Variants in SORBS2 observed in about 807,000 individuals in gnomAD.
The protein encoded by SORBS2 is sorbin and SH3 domain containing 2.
In SORBS2, 46 loss-of-function variants were observed where a neutral mutation model predicts 97.7. The observed-to-expected ratio is 0.47, with a 90% CI of 0.37 to 0.60. The LOEUF is 0.60. Among genes scored for constraint, SORBS2 ranks in the 20% least tolerant of loss-of-function variants. The pLI is 0.00. For synonymous variants in SORBS2, 476 were observed against 473.4 expected (o/e 1.01, Z -0.07); for missense variants, 1,316 against 1,282.3 (o/e 1.03, Z -0.40).
In SORBS2 at chr4:185,809,255, C is replaced by T. The variant is rs936489714; in HGVS notation, c.-337-33889G>A. Reference sequence around the variant, plus strand: ...AAAGTACTTTAGAATCAGAGGCCAGCAAAGCTCTGGAAGGCTGTGAACAGG... The same window carrying T: ...AAAGTACTTTAGAATCAGAGGCCAGTAAAGCTCTGGAAGGCTGTGAACAGG... On this transcript the variant is annotated intron_variant, in intron 1 of 20. Transcript: ENST00000284776. Among the ~76,000 whole-genome samples, 14 of 150,860 alleles carry T rather than the reference C, an allele frequency of 9.3e-5. No homozygotes were observed. The East Asian group carries it at 2.5e-3, about 27-fold the overall frequency.
At chr4:185,588,667 T>C (rs1037525481) in intron 14 of SORBS2, among the ~76,000 whole-genome samples, 2 of 135,056 alleles carry the variant, frequency 1.5e-5, no homozygotes, top group East Asian at 2.5e-4. Flanking sequence ...CAGGCTGGAG[T>C]GCAGTGGCAT....
chr4:185,736,824 G>A (rs1344382479), intron 2 of SORBS2, among the ~76,000 whole-genome samples: 1 of 152,150 alleles, frequency 6.6e-6, no homozygotes, highest in East Asian at 1.9e-4. Flanking sequence ...GCAGGGACTT[G>A]GAAAATCAGG....
At chr4:185,672,027 CTGATCAACT>C (rs533093022) in intron 4 of SORBS2, among the ~76,000 whole-genome samples, 137 of 152,312 alleles carry the variant, frequency 9.0e-4, no homozygotes, top group African/African-American at 3.2e-3. Flanking sequence ...TGCCAAAGAC[CTGATCAACT>C]AATAGCATTA....
At chr4:185,920,293 G>A (rs1236002186) in intron 1 of SORBS2, among the ~76,000 whole-genome samples, 5 of 152,146 alleles carry the variant, frequency 3.3e-5, no homozygotes, top group Non-Finnish European at 5.9e-5. Context: ...CTCAGTGGAC[G>A]CCAGCAGCAG....
intron 2 of SORBS2, among the ~76,000 whole-genome samples, chr4:185,731,871 T>C (rs1468606014): frequency 1.2e-3 from 19 of 16,294 alleles, no homozygotes; most frequent in Non-Finnish European, 2.1e-3. Context: ...TCTCTCTATA[T>C]ATATATATAT....
chr4:185,705,500 C>T (rs2098330214), intron 2 of SORBS2, among the ~76,000 whole-genome samples: 2 of 151,838 alleles, frequency 1.3e-5, no homozygotes, highest in South Asian at 4.2e-4. Context: ...GAGCCAAGGT[C>T]GCGCCACTGT....
intron 1 of SORBS2, among the ~76,000 whole-genome samples, chr4:185,866,722 T>G (rs1376622627): frequency 6.6e-6 from 1 of 152,236 alleles, no homozygotes; most frequent in Non-Finnish European, 1.5e-5. Context: ...ATCTTGAATA[T>G]TGTCTTGAAA....
intron 1 of SORBS2, among the ~76,000 whole-genome samples, chr4:185,656,108 T>C (rs996182983): frequency 2.4e-4 from 36 of 152,338 alleles, no homozygotes; most frequent in Non-Finnish European, 1.9e-4. Context: ...CAGAAACATG[T>C]AATCATCATA....
At chr4:185,672,601 A>G (rs1408628970) in intron 4 of SORBS2, among the ~76,000 whole-genome samples, 2 of 152,224 alleles carry the variant, frequency 1.3e-5, no homozygotes, top group Non-Finnish European at 2.9e-5. Flanking sequence ...ACTATGAAAA[A>G]TTGTCAAATA....
chr4:185,925,300 T>C lies in SORBS2; in HGVS notation c.-338+30896A>G, dbSNP rs369963052. The stretch of plus-strand genomic sequence containing the variant: ...TGTACATGTACAGCTGGGTTTAAAA[T>C]TGATAAACGCATTGTCTTAGAGTCC... On this transcript the variant is annotated intron_variant, in intron 1 of 20. Coordinates refer to the SORBS2 transcript ENST00000284776. 7.2e-5 allele frequency among the ~76,000 whole-genome samples: 11 copies of C among 152,294 alleles called. No homozygotes were observed. In the East Asian group the frequency reaches 1.7e-3, roughly 24 times the overall value.
chr4:185,906,280 GC>G (rs149280287), intron 1 of SORBS2, among the ~76,000 whole-genome samples: 7,993 of 152,228 alleles, frequency 0.053, 275 homozygotes, highest in East Asian at 0.15. Context: ...TGATCTGCCT[GC>G]CTCATCCTCC....
intron 4 of SORBS2, among the ~76,000 whole-genome samples, chr4:185,662,875 T>C (rs2097541568): frequency 6.6e-6 from 1 of 152,242 alleles, no homozygotes; most frequent in Non-Finnish European, 1.5e-5. Context: ...TGAATCTCTG[T>C]TTGATTTCTT....
intron 2 of SORBS2, among the ~76,000 whole-genome samples, chr4:185,753,147 G>A (rs2098811498): frequency 6.6e-6 from 1 of 152,342 alleles, no homozygotes; most frequent in East Asian, 1.9e-4. Context: ...AGCTGCTGAT[G>A]CATAGTAAAT....
intron 14 of SORBS2, chr4:185,587,949 G>A (rs1002822349): frequency 7.6e-6 from 3 of 395,098 alleles, no homozygotes; most frequent in Non-Finnish European, 1.4e-5. Context: ...AGCCTCCCAA[G>A]CTAAAGGGAA....
chr4:185,851,444 G>A (rs866830824), intron 1 of SORBS2, among the ~76,000 whole-genome samples: 1 of 152,148 alleles, frequency 6.6e-6, no homozygotes. Flanking sequence ...CTATGAGACA[G>A]GAATAAGCAA....
chr4:185,863,726 G>A (rs192697045), intron 1 of SORBS2, among the ~76,000 whole-genome samples: 15 of 152,284 alleles, frequency 9.9e-5, no homozygotes, highest in African/African-American at 3.1e-4. Flanking sequence ...CTAGGTGGAA[G>A]ATGTGTGTCA....
At chr4:185,731,617 T>A (rs1193170863) in intron 2 of SORBS2, among the ~76,000 whole-genome samples, 21 of 109,228 alleles carry the variant, frequency 1.9e-4, no homozygotes, top group African/African-American at 5.7e-4. Flanking sequence ...TCTCTCTCCC[T>A]CCCTGCCTAT....
intron 1 of SORBS2, among the ~76,000 whole-genome samples, chr4:185,794,723 G>A (rs1157419619): frequency 2.6e-5 from 4 of 152,094 alleles, no homozygotes; most frequent in Non-Finnish European, 5.9e-5. Flanking sequence ...CTAGCAGGCT[G>A]GGGACTCGGT....
Position 185,705,563 on chromosome 4 carries a change from C to A in SORBS2, c.-197-26741G>T, listed in dbSNP as rs529593442. Among the ~76,000 whole-genome samples, 157 of 151,694 alleles carry A rather than the reference C, an allele frequency of 1.0e-3. 1 individual carries two copies. The highest frequency in any genetic ancestry group is 1.7e-3 in the Non-Finnish European group (116 of 67,882). On this transcript the variant is annotated intron_variant, in intron 2 of 20. Transcript: ENST00000284776. ...CCATCTCAAAAAATATATATAAAATCAAAAATAAAAAAAAATTCCTTAAAG... is the reference window on the plus strand; with the variant it reads ...CCATCTCAAAAAATATATATAAAATAAAAAATAAAAAAAAATTCCTTAAAG...
Sources: allele counts gnomAD v4.1 joint callset (sites outside exome capture counted in the v4.1 genomes callset), GRCh38; gene constraint gnomAD v4.1.1; transcripts MANE v1.5; gene names NCBI Gene and HGNC (gene_info 2026-07-23, HGNC 2026-07-21).